Variants in PYY observed in about 807,000 individuals in gnomAD.
PYY encodes peptide tyrosine tyrosine.
A neutral mutation model predicts 10.3 loss-of-function variants in PYY; 12 were observed. The ratio of observed to expected loss-of-function variants is 1.17; its 90% confidence interval spans 0.75 to 1.89. The LOEUF (loss-of-function observed/expected upper bound fraction) is 1.89, where lower values mean the gene tolerates loss of function less well. Ranked by LOEUF, PYY falls within the 40% of genes most tolerant of loss-of-function variation. The probability of loss-of-function intolerance (pLI) is 0.00; values close to 1 mark genes in which losing one functional copy is unlikely to be tolerated. For synonymous variants in PYY, 66 were observed against 62.0 expected, an observed-to-expected ratio of 1.06 and a Z score of -0.30; for missense variants, 141 against 134.0, an observed-to-expected ratio of 1.05 and a Z score of -0.26.
chr17:43,980,340 T>A (rs1022043085), intron 1 of PYY, among the ~76,000 whole-genome samples: 3 of 151,870 alleles, frequency 2.0e-5, no homozygotes, highest in Non-Finnish European at 2.9e-5. Context: ...ATTTTTGTAT[T>A]TTTAGTAGAG....
intron 1 of PYY, among the ~76,000 whole-genome samples, chr17:43,989,247 G>A (rs991323097): frequency 1.2e-4 from 18 of 152,072 alleles, no homozygotes; most frequent in South Asian, 4.2e-4. Flanking sequence ...GGTGGCGGGC[G>A]CCTGTAGTCC....
chr17:43,991,727 G>C (rs952376402), intron 1 of PYY, among the ~76,000 whole-genome samples: 2 of 152,130 alleles, frequency 1.3e-5, no homozygotes, highest in African/African-American at 4.8e-5. Context: ...GGGAGGCTGA[G>C]GCTGGAGGAT....
At chr17:44,000,532 G>T (rs1433494662) in intron 1 of PYY, among the ~76,000 whole-genome samples, 1 of 150,544 alleles carries the variant, frequency 6.6e-6, no homozygotes, top group Admixed American at 6.6e-5. Context: ...ATATGACACA[G>T]TCGCTGAGAA....
chr17:43,997,684 T>C (rs937251863), intron 1 of PYY, among the ~76,000 whole-genome samples: 1 of 152,098 alleles, frequency 6.6e-6, no homozygotes, highest in Non-Finnish European at 1.5e-5. Flanking sequence ...GTGTTGAGAA[T>C]AGACTCTAGT....
At chr17:43,983,062 T>G (rs1741423791) in intron 1 of PYY, among the ~76,000 whole-genome samples, 1 of 151,938 alleles carries the variant, frequency 6.6e-6, no homozygotes, top group Non-Finnish European at 1.5e-5. Context: ...TGAAACCCCG[T>G]CTCTACTAAA....
rs541332969 is a variant in PYY at position 43,995,601 on chromosome 17, A to C, written c.-463+8790T>G. Among the ~76,000 whole-genome samples, 20 of 152,316 alleles carry C rather than the reference A, an allele frequency of 1.3e-4. 1 individual carries two copies. The highest frequency in any genetic ancestry group is 2.6e-4 in the Admixed American group (4 of 15,288). ...GTAATCCCAGTGCTTTGGGAGGCCCAGGTGGGTGGATCACTTGAGGTCAGG... is the reference window on the plus strand; with the variant it reads ...GTAATCCCAGTGCTTTGGGAGGCCCCGGTGGGTGGATCACTTGAGGTCAGG... On this transcript the variant is annotated intron_variant, in intron 1 of 6. Coordinates refer to the PYY transcript ENST00000360085.
chr17:43,981,049 A>G (rs2048880820), intron 1 of PYY, among the ~76,000 whole-genome samples: 1 of 149,126 alleles, frequency 6.7e-6, no homozygotes, highest in African/African-American at 2.5e-5. Context: ...TTTTTAGTAC[A>G]GATAAGGTCT....
chr17:43,975,715 G>GAAAAA (rs1173879627), intron 1 of PYY, among the ~76,000 whole-genome samples: 1 of 67,696 alleles, frequency 1.5e-5, no homozygotes, highest in African/African-American at 7.2e-5. Flanking sequence ...GTAAGACCCT[G>GAAAAA]AAAAAAAAAA....
At chr17:43,991,936 C>T (rs955132583) in intron 1 of PYY, among the ~76,000 whole-genome samples, 1 of 151,692 alleles carries the variant, frequency 6.6e-6, no homozygotes, top group Non-Finnish European at 1.5e-5. Context: ...CTGACTAACA[C>T]GGTGAAACCC....
intron 1 of PYY, 131 bp from the exon 2 acceptor site, chr17:43,953,614 G>A: frequency 1.2e-6 from 1 of 858,754 alleles, no homozygotes; most frequent in South Asian, 1.9e-5. Flanking sequence ...TCAGCCACCG[G>A]GCTTGCTGTG....
intron 2 of PYY, among the ~76,000 whole-genome samples, chr17:43,964,994 T>C (rs986367332): frequency 2.0e-5 from 3 of 152,228 alleles, no homozygotes; most frequent in Non-Finnish European, 4.4e-5. Flanking sequence ...AGATGTCATA[T>C]AGAAGAGGTT....
upstream of PYY, among the ~76,000 whole-genome samples, chr17:43,957,486 C>T (rs1408946458): frequency 6.6e-6 from 1 of 152,068 alleles, no homozygotes; most frequent in Non-Finnish European, 1.5e-5. Context: ...GGTGAAACCC[C>T]GTCTCTACTA....
exon 1 of PYY, chr17:44,004,443 G>C: frequency 2.4e-6 from 1 of 412,396 alleles, no homozygotes; most frequent in Non-Finnish European, 4.1e-6. Context: ...CCCCATGACC[G>C]ATAGTGGGTT....
At chr17:43,973,338 C>T (rs185007154) in intron 1 of PYY, among the ~76,000 whole-genome samples, 14 of 152,208 alleles carry the variant, frequency 9.2e-5, no homozygotes, top group African/African-American at 3.1e-4. Context: ...GGATCACATC[C>T]TAGGTCGTTG....
intron 1 of PYY, among the ~76,000 whole-genome samples, chr17:44,000,671 C>T (rs2049020055): frequency 6.6e-6 from 1 of 150,518 alleles, no homozygotes; most frequent in Non-Finnish European, 1.5e-5. Flanking sequence ...GGTTCAGCCT[C>T]CCGAGTAGCT....
intron 1 of PYY, among the ~76,000 whole-genome samples, chr17:43,980,364 A>C (rs2048874844): frequency 6.6e-6 from 1 of 151,810 alleles, no homozygotes; most frequent in Non-Finnish European, 1.5e-5. Context: ...GGGTTTCACC[A>C]TGTTGGCCAG....
At chr17:43,992,890 G>A (rs1003006891) in intron 1 of PYY, among the ~76,000 whole-genome samples, 12 of 96,470 alleles carry the variant, frequency 1.2e-4, no homozygotes, top group Non-Finnish European at 2.3e-4. Flanking sequence ...GGAACAGGGG[G>A]AGGATTGTCA....
chr17:43,990,663 G>C (rs1392234764), intron 1 of PYY, among the ~76,000 whole-genome samples: 1 of 151,728 alleles, frequency 6.6e-6, no homozygotes, highest in Non-Finnish European at 1.5e-5. Context: ...GCAAAAACTT[G>C]GAAGCATCAT....
chr17:43,989,489 C>T (rs2048938531), intron 1 of PYY, among the ~76,000 whole-genome samples: 1 of 152,118 alleles, frequency 6.6e-6, no homozygotes, highest in Non-Finnish European at 1.5e-5. Context: ...CATTCCCACC[C>T]AGAGTACACT....
Sources: gnomAD v4.1 joint callset for allele counts (sites outside exome capture counted in the v4.1 genomes callset) on GRCh38, gnomAD v4.1.1 for gene constraint, MANE v1.5 for transcripts, NCBI Gene and HGNC (gene_info 2026-07-23, HGNC 2026-07-21) for gene names.